Variants in IMMP2L observed in about 807,000 individuals in gnomAD.
The protein encoded by IMMP2L is inner mitochondrial membrane peptidase subunit 2.
IMMP2L carries 18 observed loss-of-function variants against 19.3 expected under a neutral mutation model. That is an observed-to-expected ratio of 0.93 (90% CI 0.64 to 1.38). The LOEUF (loss-of-function observed/expected upper bound fraction) is 1.38, where lower values mean the gene tolerates loss of function less well. IMMP2L is among the 40% of genes most tolerant of loss of function. The probability of loss-of-function intolerance (pLI) is 0.00; values close to 1 mark genes in which losing one functional copy is unlikely to be tolerated. For missense variants in IMMP2L, 233 were observed against 218.2 expected (o/e 1.07, Z -0.43); for synonymous variants, 76 against 73.0 (o/e 1.04, Z -0.21).
chr7:110,872,670 C>T (rs766067875), intron 5 of IMMP2L, among the ~76,000 whole-genome samples: 24 of 152,252 alleles, frequency 1.6e-4, no homozygotes, highest in Non-Finnish European at 3.1e-4. Context: ...TCTTCCAGGA[C>T]GGGCACTTAA....
intron 3 of IMMP2L, among the ~76,000 whole-genome samples, chr7:111,128,982 A>T (rs1486289951): frequency 1.3e-5 from 2 of 152,212 alleles, no homozygotes; most frequent in South Asian, 2.1e-4. Flanking sequence ...CTTTACAAGG[A>T]GGAGAACCAA....
At chr7:111,078,363 A>T (rs1470328199) in intron 3 of IMMP2L, among the ~76,000 whole-genome samples, 1 of 152,168 alleles carries the variant, frequency 6.6e-6, no homozygotes, top group Non-Finnish European at 1.5e-5. Flanking sequence ...GGAATGCCTC[A>T]ATCTTTTGGT....
chr7:111,134,976 T>A (rs1802197917), intron 3 of IMMP2L, among the ~76,000 whole-genome samples: 2 of 152,090 alleles, frequency 1.3e-5, no homozygotes. Context: ...ATTTACTAAA[T>A]ATATTTAACA....
intron 3 of IMMP2L, among the ~76,000 whole-genome samples, chr7:111,447,576 A>G (rs1456030182): frequency 1.3e-5 from 2 of 150,136 alleles, no homozygotes; most frequent in Non-Finnish European, 1.5e-5. Context: ...ATGGAAAGGA[A>G]CAACCGGTAC....
chr7:111,421,200 T>C (rs1333266286), intron 3 of IMMP2L, among the ~76,000 whole-genome samples: 2 of 151,816 alleles, frequency 1.3e-5, no homozygotes, highest in East Asian at 1.9e-4. Context: ...GCTGCATAGA[T>C]GTCTTCTTTT....
intron 3 of IMMP2L, among the ~76,000 whole-genome samples, chr7:111,428,379 A>G (rs1836293441): frequency 6.6e-6 from 1 of 151,736 alleles, no homozygotes; most frequent in South Asian, 2.1e-4. Flanking sequence ...TAAGGACTGG[A>G]AAAAAATTCT....
intron 3 of IMMP2L, among the ~76,000 whole-genome samples, chr7:111,296,318 A>G (rs1821633247): frequency 1.3e-5 from 2 of 151,962 alleles, no homozygotes; most frequent in Admixed American, 6.6e-5. Flanking sequence ...ACAGTGAAAT[A>G]CCAATACATG....
At chr7:111,329,367 T>C (rs1825648152) in intron 3 of IMMP2L, among the ~76,000 whole-genome samples, 1 of 151,844 alleles carries the variant, frequency 6.6e-6, no homozygotes, top group Non-Finnish European at 1.5e-5. Flanking sequence ...CTTGTAAATA[T>C]AAATATAAAC....
At chr7:111,532,101 TA>T (rs1341178905) in intron 1 of IMMP2L, among the ~76,000 whole-genome samples, 1 of 151,986 alleles carries the variant, frequency 6.6e-6, no homozygotes, top group African/African-American at 2.4e-5. Flanking sequence ...ACTCAGAACC[TA>T]AAAAAAGAAG....
intron 3 of IMMP2L, among the ~76,000 whole-genome samples, chr7:111,286,063 T>C (rs1820445481): frequency 6.6e-6 from 1 of 152,166 alleles, no homozygotes. Context: ...AAAGGATTTT[T>C]GATAGCTTAC....
chr7:111,002,335 G>C (rs1823802474), intron 3 of IMMP2L, among the ~76,000 whole-genome samples: 1 of 152,214 alleles, frequency 6.6e-6, no homozygotes, highest in Non-Finnish European at 1.5e-5. Flanking sequence ...TAACTGATGA[G>C]GATGATCAGA....
intron 2 of IMMP2L, among the ~76,000 whole-genome samples, chr7:111,500,016 C>G (rs1373310319): frequency 1.3e-5 from 2 of 152,146 alleles, no homozygotes; most frequent in Non-Finnish European, 2.9e-5. Context: ...CATTGCCTCA[C>G]TCGGGAAGCA....
chr7:111,236,536 G>A (rs189045284), intron 3 of IMMP2L, among the ~76,000 whole-genome samples: 22 of 152,232 alleles, frequency 1.4e-4, no homozygotes, highest in African/African-American at 5.3e-4. Flanking sequence ...ACTATTCCCT[G>A]TGTTCTTTTG....
At chr7:111,557,429 A>G (rs1056406825) in intron 1 of IMMP2L, among the ~76,000 whole-genome samples, 1 of 152,182 alleles carries the variant, frequency 6.6e-6, no homozygotes, top group African/African-American at 2.4e-5. Context: ...ACACTCTAAT[A>G]TAACTGACCT....
intron 3 of IMMP2L, among the ~76,000 whole-genome samples, chr7:111,406,558 A>G (rs1833914342): frequency 2.0e-5 from 3 of 151,368 alleles, no homozygotes; most frequent in Admixed American, 2.0e-4. Flanking sequence ...GACTCTGGTC[A>G]CTCCCCACAT....
chr7:111,437,507 C>T (rs968778957), intron 3 of IMMP2L, among the ~76,000 whole-genome samples: 3 of 151,876 alleles, frequency 2.0e-5, no homozygotes, highest in South Asian at 2.1e-4. Context: ...AAAGTGAAAA[C>T]AAATAACTGT....
chr7:111,013,209 T>A (rs892606602), intron 3 of IMMP2L, among the ~76,000 whole-genome samples: 1 of 152,166 alleles, frequency 6.6e-6, no homozygotes, highest in African/African-American at 2.4e-5. Flanking sequence ...TAAGCCACGA[T>A]AATAACTTCA....
At chr7:111,217,740 TATG>T (rs1208635178) in intron 3 of IMMP2L, among the ~76,000 whole-genome samples, 1 of 152,042 alleles carries the variant, frequency 6.6e-6, no homozygotes, top group Non-Finnish European at 1.5e-5. Flanking sequence ...ACCTCAAAAT[TATG>T]ATACTAAACA....
At chr7:111,112,280 T>A (rs1404560458) in intron 3 of IMMP2L, among the ~76,000 whole-genome samples, 1 of 152,054 alleles carries the variant, frequency 6.6e-6, no homozygotes, top group Non-Finnish European at 1.5e-5. Flanking sequence ...ATGAAAAACT[T>A]TAACCTGCAT....
Sources: allele counts gnomAD v4.1 joint callset (sites outside exome capture counted in the v4.1 genomes callset), GRCh38; gene constraint gnomAD v4.1.1; transcripts MANE v1.5; gene names NCBI Gene and HGNC (gene_info 2026-07-23, HGNC 2026-07-21).